The following GLE1 variants were observed in gnomAD, a reference collection of about 807,000 sequenced individuals.
The protein encoded by GLE1 is mRNA export factor GLE1.
In GLE1, 78 loss-of-function variants were observed where a neutral mutation model predicts 97.3. That is an observed-to-expected ratio of 0.80 (90% CI 0.67 to 0.97). The LOEUF is 0.97. Ranked by LOEUF, GLE1 falls within the 50% of genes least tolerant of loss-of-function variation. GLE1 has a pLI of 0.00. For missense variants in GLE1, 753 were observed against 857.5 expected, an observed-to-expected ratio of 0.88 and a Z score of 1.52; for synonymous variants, 302 against 313.4, an observed-to-expected ratio of 0.96 and a Z score of 0.39.
intron 1 of GLE1, among the ~76,000 whole-genome samples, chr9:128,505,313 T>G (rs1302103003): frequency 1.3e-5 from 2 of 152,136 alleles, no homozygotes; most frequent in South Asian, 2.1e-4. Context: ...ATTTTTAGAT[T>G]GATTTGGCAG....
chr9:128,531,922 G>A (rs1186598031), intron 9 of GLE1, among the ~76,000 whole-genome samples: 1 of 152,000 alleles, frequency 6.6e-6, no homozygotes, highest in African/African-American at 2.4e-5. Flanking sequence ...TGTGGCATGG[G>A]GAGGCCACGT....
chr9:128,519,773 T>G (rs1207653222), intron 3 of GLE1, among the ~76,000 whole-genome samples: 1 of 152,218 alleles, frequency 6.6e-6, no homozygotes, highest in East Asian at 1.9e-4. Context: ...CTCCCTCCCC[T>G]TTTGAAACTC....
chr9:128,537,993 CTCATGGCTTAAA>C lies in GLE1; in HGVS notation c.1791_1802del (p.Leu598_Gly601del). ...AAGCTTCTCTACTCCCAGATTCACCCTCATGGCTTAAATCATGGATGGCGCTGGTTGGCACAG... is the reference window on the plus strand; with the variant it reads ...AAGCTTCTCTACTCCCAGATTCACCCTCATGGATGGCGCTGGTTGGCACAG... On this transcript the variant is annotated inframe_deletion, in exon 13 of 16. Transcript: ENST00000309971. 4.4e-6 allele frequency: 7 copies of C among 1,600,394 alleles called. No homozygotes were observed. The highest frequency in any genetic ancestry group is 6.0e-6 in the Non-Finnish European group (7 of 1,167,600).
chr9:128,519,845 T>A (rs1408892333), intron 3 of GLE1, among the ~76,000 whole-genome samples: 1 of 152,218 alleles, frequency 6.6e-6, no homozygotes, highest in Non-Finnish European at 1.5e-5. Context: ...CGACATGTGA[T>A]GTCTCCCCCG....
chr9:128,519,297 C>T (rs970547457), intron 3 of GLE1, among the ~76,000 whole-genome samples: 13 of 152,272 alleles, frequency 8.5e-5, no homozygotes, highest in Non-Finnish European at 1.5e-4. Flanking sequence ...AAACTCTGAC[C>T]GCCGGTGAGC....
At chr9:128,517,650 A>G (rs1847026046) in intron 3 of GLE1, among the ~76,000 whole-genome samples, 1 of 152,136 alleles carries the variant, frequency 6.6e-6, no homozygotes, top group African/African-American at 2.4e-5. Context: ...TCACCTCTCC[A>G]TTGCCTAAGT....
At chr9:128,518,053 TC>T (rs1847035832) in intron 3 of GLE1, among the ~76,000 whole-genome samples, 2 of 152,198 alleles carry the variant, frequency 1.3e-5, no homozygotes, top group Non-Finnish European at 2.9e-5. Flanking sequence ...CTTTAGGACT[TC>T]CTAAGTGCCA....
intron 1 of GLE1, 28 bp downstream of exon 1, chr9:128,504,932 C>T: frequency 6.9e-7 from 1 of 1,452,980 alleles, no homozygotes; most frequent in Non-Finnish European, 9.7e-7. Flanking sequence ...AGGACGTAGG[C>T]CTTTCCGGCC....
At chr9:128,515,240 AAGGGGAAACATTTTCT>A (rs1846946830) in intron 2 of GLE1, among the ~76,000 whole-genome samples, 1 of 152,200 alleles carries the variant, frequency 6.6e-6, no homozygotes, top group Non-Finnish European at 1.5e-5. Flanking sequence ...GATCTGAAGA[AAGGGGAAACATTTTCT>A]AGGCAGAGTA....
Position 128,534,012 on chromosome 9 carries a change from T to A in GLE1, c.1646+61T>A, listed in dbSNP as rs1027398281. 33 of 1,128,450 alleles carry A rather than the reference T, an allele frequency of 2.9e-5. No homozygotes were observed. The African/African-American group carries it at 4.3e-4, about 15-fold the overall frequency. 69.9% of individuals were successfully genotyped at this position (1,128,450 alleles called of 1,614,324 possible). On this transcript the variant is annotated intron_variant, in intron 11 of 15. Transcript: ENST00000309971. Reference sequence around the variant, plus strand: ...AGTGATTAATGAAATATAAATAGAATTGGAATTTGTTTTTCCCTCCTCACA... The same window carrying A: ...AGTGATTAATGAAATATAAATAGAAATGGAATTTGTTTTTCCCTCCTCACA...
chr9:128,533,304 G>A (rs957446601), intron 9 of GLE1, among the ~76,000 whole-genome samples: 10 of 151,372 alleles, frequency 6.6e-5, no homozygotes, highest in Middle Eastern at 3.2e-3. Context: ...GGTGGCGGGC[G>A]TCTGTGATCC....
At position 128,530,160 on chromosome 9, in the gene GLE1, G is replaced by A. The variant is rs952434519; in HGVS notation, c.1312+2635G>A. ...ACTTACAGGGCTTCAAACATTACCT[G>A]AATGCTGATGACTCCCAAACCTACC... On this transcript the variant is annotated intron_variant, in intron 9 of 15. Transcript: ENST00000309971. Among the ~76,000 whole-genome samples, 97 of 152,106 alleles carry A rather than the reference G, an allele frequency of 6.4e-4. 4 individuals are homozygous for A. The highest frequency in any genetic ancestry group is 4.4e-5 in the Non-Finnish European group (3 of 68,020).
chr9:128,521,358 A>T (rs1010403720), intron 3 of GLE1, among the ~76,000 whole-genome samples: 1 of 151,932 alleles, frequency 6.6e-6, no homozygotes, highest in Non-Finnish European at 1.5e-5. Flanking sequence ...ATATAGTGAG[A>T]CCCTGACTCT....
chr9:128,508,593 C>T (rs1028993110), intron 1 of GLE1, among the ~76,000 whole-genome samples: 1 of 152,162 alleles, frequency 6.6e-6, no homozygotes, highest in East Asian at 1.9e-4. Context: ...GTGTTCTGTT[C>T]AGTGCTTTAG....
At position 128,541,417 on chromosome 9, in the gene GLE1, T is replaced by G; in HGVS notation, c.*247T>G. On this transcript the variant is annotated 3_prime_UTR_variant, in exon 16 of 16. Transcript: ENST00000309971. Reference sequence around the variant, plus strand: ...AATAAATGGAGTTGGCCTTTCTTGTTTTTTGCAAAAGTGATAAAAGGTCTT... The same window carrying G: ...AATAAATGGAGTTGGCCTTTCTTGTGTTTTGCAAAAGTGATAAAAGGTCTT... The G allele has an allele frequency of 3.7e-6, 2 of 538,032 alleles. No homozygotes were observed. Among genetic ancestry groups the G allele is most frequent in the South Asian group, 4.3e-5 (2 of 46,490 alleles). 33.3% of individuals were successfully genotyped at this position (538,032 alleles called of 1,614,324 possible). A position where few individuals can be genotyped will look rare whatever the true frequency, so the allele number is the denominator to read the frequency against.
intron 11 of GLE1, among the ~76,000 whole-genome samples, chr9:128,535,709 T>C (rs2132519689): frequency 6.6e-6 from 1 of 152,072 alleles, no homozygotes; most frequent in Non-Finnish European, 1.5e-5. Context: ...TAATCACAGC[T>C]ACTCGGGAGG....
At position 128,508,863 on chromosome 9, in the gene GLE1, T is replaced by C; in HGVS notation, c.100-13T>C. On this transcript the variant is annotated splice_polypyrimidine_tract_variant and intron_variant, in intron 1 of 15. Coordinates refer to ENST00000309971, the MANE Select transcript of GLE1 (RefSeq NM_001003722.2). ...GACGTGTAAGTTGAGCTTAACCCTA[T>C]TCTTTTCTCTAGGATGTTTTAGAAG... is the stretch of plus-strand genomic sequence containing the variant. 6.8e-7 allele frequency: 1 copy of C among 1,460,364 alleles called. No homozygotes were observed. The highest frequency in any genetic ancestry group is 9.6e-7 in the Non-Finnish European group (1 of 1,039,782). 90.5% of individuals were successfully genotyped at this position (1,460,364 alleles called of 1,614,324 possible).
chr9:128,506,174 C>T (rs570773590), intron 1 of GLE1, among the ~76,000 whole-genome samples: 11 of 152,148 alleles, frequency 7.2e-5, no homozygotes, highest in African/African-American at 2.4e-4. Flanking sequence ...GGTGAAACCG[C>T]ATCTCTACTA....
intron 2 of GLE1, 115 bp from the exon 3 acceptor site, chr9:128,515,414 G>C: frequency 1.5e-6 from 1 of 684,198 alleles, no homozygotes; most frequent in Admixed American, 2.2e-5. Context: ...TTTTGCTCTT[G>C]TTATTGGTGG....
Sources: gnomAD v4.1 joint callset for allele counts (sites outside exome capture counted in the v4.1 genomes callset) on GRCh38, gnomAD v4.1.1 for gene constraint, MANE v1.5 for transcripts, NCBI Gene and HGNC (gene_info 2026-07-23, HGNC 2026-07-21) for gene names.